The following PYGO1 variants were observed in gnomAD, a reference collection of about 807,000 sequenced individuals.
PYGO1 encodes pygopus homolog 1.
In PYGO1, 6 loss-of-function variants were observed where a neutral mutation model predicts 29.5. That is an observed-to-expected ratio of 0.20 (90% CI 0.11 to 0.40). The LOEUF (loss-of-function observed/expected upper bound fraction) is 0.40. Among genes scored for constraint, PYGO1 ranks in the 10% least tolerant of loss-of-function variants. The pLI, the probability that PYGO1 is intolerant of heterozygous loss-of-function variation, is 1.00. For synonymous variants in PYGO1, 186 were observed against 180.5 expected (o/e 1.03, Z -0.24); for missense variants, 515 against 514.9 (o/e 1.00, Z 0.00).
intron 1 of PYGO1, among the ~76,000 whole-genome samples, chr15:55,554,468 C>CAAAAAAAAAAAAAAAAAAAAA (rs56216226): frequency 6.5e-5 from 8 of 122,888 alleles, no homozygotes; most frequent in East Asian, 3.2e-4. Context: ...GACTCTGTCT[C>CAAAAAAAAAAAAAAAAAAAAA]AAAAAAAAAA....
At position 55,546,555 on chromosome 15, in the gene PYGO1, T is replaced by C. The variant is rs749754419; in HGVS notation, c.728A>G (p.Gln243Arg). The change falls in exon 3 of 3, where the codon CAA becomes CGA. Residue 243 changes from glutamine (Q) to arginine (R), a missense_variant. By Grantham distance (43) the Gln-to-Arg change is conservative (BLOSUM62 1). Coordinates refer to ENST00000563719, the MANE Select transcript of PYGO1 (RefSeq NM_001367806.1). Reference sequence around the variant, plus strand: ...TTGATTAGTGTTTTTGGTTGCTCCTTGAGTAAAGTCTTGTTTTGGGGGTGG... The same window carrying C: ...TTGATTAGTGTTTTTGGTTGCTCCTCGAGTAAAGTCTTGTTTTGGGGGTGG... ...KAPPPKQDFT[Q>R]GATKNTNQNS... The C allele has an allele frequency of 1.5e-5, 25 of 1,614,040 alleles. No homozygotes were observed. Among genetic ancestry groups the C allele is most frequent in the Non-Finnish European group, 1.9e-5 (23 of 1,180,038 alleles).
chr15:55,575,535 T>C (rs1398446877), intron 1 of PYGO1, among the ~76,000 whole-genome samples: 2 of 152,174 alleles, frequency 1.3e-5, no homozygotes, highest in African/African-American at 2.4e-5. Flanking sequence ...CATCATTCTA[T>C]ACTCTCTGCT....
rs1026684276 is a variant in PYGO1, at chr15:55,544,236, T to C, written c.*1787A>G. 1 of 152,194 alleles carries C rather than the reference T, an allele frequency of 6.6e-6. No individual in the cohort carries two copies. Among genetic ancestry groups the C allele is most frequent in the African/African-American group, 2.4e-5 (1 of 41,454 alleles). 9.4% of individuals were successfully genotyped at this position (152,194 alleles called of 1,614,324 possible). A position where few individuals can be genotyped will look rare whatever the true frequency, so the allele number is the denominator to read the frequency against. ...ATTTAAAAAAATAAGTTTTATTCAA[T>C]CAAAATATGCATCAGGAGCATGAAT... On this transcript the variant is annotated 3_prime_UTR_variant, in exon 3 of 3. Transcript: ENST00000563719.
chr15:55,554,016 A>C (rs2058892006), intron 1 of PYGO1, among the ~76,000 whole-genome samples: 1 of 152,202 alleles, frequency 6.6e-6, no homozygotes, highest in Admixed American at 6.5e-5. Flanking sequence ...AGACCCCACA[A>C]AAACCCCATC....
intron 1 of PYGO1, among the ~76,000 whole-genome samples, chr15:55,551,921 G>A (rs1307073909): frequency 6.6e-6 from 1 of 152,058 alleles, no homozygotes; most frequent in Non-Finnish European, 1.5e-5. Flanking sequence ...GCAATAGAAG[G>A]TTGATTCAGC....
chr15:55,554,924 G>A (rs182204880), intron 1 of PYGO1, among the ~76,000 whole-genome samples: 125 of 152,196 alleles, frequency 8.2e-4, no homozygotes, highest in African/African-American at 2.6e-3. Context: ...GAACCAAGTC[G>A]GAAAACATAC....
Position 55,587,194 on chromosome 15 carries a change from A to G in PYGO1, c.49+641T>C, listed in dbSNP as rs1595998156. Among the ~76,000 whole-genome samples, 5 of 152,298 alleles carry G rather than the reference A, an allele frequency of 3.3e-5. 1 individual carries two copies. The Middle Eastern group carries it at 0.017, about 518-fold the overall frequency. The stretch of plus-strand genomic sequence containing the variant: ...GGTTCCCTCTGATTTTTCTTAGATG[A>G]TAGTAACACGAAAGGAAAATTCCTA... On this transcript the variant is annotated intron_variant, in intron 1 of 2. Transcript: ENST00000563719.
chr15:55,560,812 A>G (rs548442167), intron 1 of PYGO1, among the ~76,000 whole-genome samples: 1 of 152,170 alleles, frequency 6.6e-6, no homozygotes, highest in Non-Finnish European at 1.5e-5. Context: ...AAATACAAAA[A>G]TTAGCCAGGC....
intron 1 of PYGO1, among the ~76,000 whole-genome samples, chr15:55,574,370 C>T (rs2058992439): frequency 6.6e-6 from 1 of 152,114 alleles, no homozygotes; most frequent in South Asian, 2.1e-4. Flanking sequence ...GTTTACCTTC[C>T]TCTCTACTGC....
chr15:55,567,504 G>A (rs949144350), intron 1 of PYGO1, among the ~76,000 whole-genome samples: 1 of 151,938 alleles, frequency 6.6e-6, no homozygotes, highest in African/African-American at 2.4e-5. Flanking sequence ...ATAAATTCTG[G>A]ATATTAGACC....
At position 55,540,796 on chromosome 15, in the gene PYGO1, G is replaced by C. The variant is rs893394588; in HGVS notation, c.*5227C>G. 1.3e-5 allele frequency: 2 copies of C among 152,036 alleles called. No homozygotes were observed. The highest frequency in any genetic ancestry group is 4.8e-5 in the African/African-American group (2 of 41,412). 9.4% of individuals were successfully genotyped at this position (152,036 alleles called of 1,614,324 possible). The stretch of plus-strand genomic sequence containing the variant: ...TCTAAGAACAAAACAAAAAGTTACT[G>C]CAAAAATACATGTCACCAATGTGGA... On this transcript the variant is annotated 3_prime_UTR_variant, in exon 3 of 3. Coordinates refer to ENST00000563719, the MANE Select transcript of PYGO1 (RefSeq NM_001367806.1).
chr15:55,588,776 C>T (rs768631133), upstream of PYGO1: 14 of 1,611,142 alleles, frequency 8.7e-6, no homozygotes, highest in Non-Finnish European at 1.2e-5. Flanking sequence ...CTCGGCCTCG[C>T]AGCTAGGGAT....
At chr15:55,581,158 G>A (rs990496487) in intron 1 of PYGO1, among the ~76,000 whole-genome samples, 1 of 152,218 alleles carries the variant, frequency 6.6e-6, no homozygotes, top group Non-Finnish European at 1.5e-5. Context: ...AATCTTGGCT[G>A]AGTGGGGAGC....
intron 1 of PYGO1, among the ~76,000 whole-genome samples, chr15:55,556,450 G>C (rs2058905511): frequency 6.6e-6 from 1 of 152,132 alleles, no homozygotes; most frequent in South Asian, 2.1e-4. Flanking sequence ...CGAAACTAAT[G>C]AGAACAAAGA....
intron 1 of PYGO1, among the ~76,000 whole-genome samples, chr15:55,558,320 C>G (rs922201799): frequency 1.3e-5 from 2 of 151,832 alleles, no homozygotes; most frequent in African/African-American, 4.8e-5. Context: ...TCAAGAACTA[C>G]AAACCACTGC....
intron 1 of PYGO1, among the ~76,000 whole-genome samples, chr15:55,555,904 A>C (rs1303432824): frequency 1.3e-5 from 2 of 152,142 alleles, no homozygotes; most frequent in Non-Finnish European, 2.9e-5. Context: ...AACAGAGATC[A>C]AAAAAGGGCA....
At chr15:55,564,379 C>CA (rs1448805036) in intron 1 of PYGO1, among the ~76,000 whole-genome samples, 1 of 152,044 alleles carries the variant, frequency 6.6e-6, no homozygotes, top group Non-Finnish European at 1.5e-5. Context: ...TCTTTAGAGA[C>CA]AAAAAACAGA....
Position 55,546,409 on chromosome 15 carries a change from T to A in PYGO1, c.874A>T (p.Thr292Ser), listed in dbSNP as rs1223541663. 1 of 1,614,082 alleles carries A rather than the reference T, an allele frequency of 6.2e-7. No individual in the cohort carries two copies. Among genetic ancestry groups the A allele is most frequent in the African/African-American group, 1.3e-5 (1 of 74,938 alleles). ...GCAGGGTTATTGTTTGTGGCTTCAG[T>A]GCTACTTGAACGGCTGTTCTCCTGA... The part of the protein sequence containing the change: ...VNQENSRSSS[T>S]EATNNNPANG... The change falls in exon 3 of 3, where the codon ACT becomes TCT. Residue 292 changes from threonine (T) to serine (S), a missense_variant. Transcript: ENST00000563719.
intron 1 of PYGO1, among the ~76,000 whole-genome samples, chr15:55,550,694 C>T (rs1356930843): frequency 1.3e-5 from 2 of 152,112 alleles, no homozygotes; most frequent in African/African-American, 4.8e-5. Flanking sequence ...TTTTCAACAC[C>T]TGTTTAATTC....
Sources: allele counts gnomAD v4.1 joint callset (sites outside exome capture counted in the v4.1 genomes callset), GRCh38; gene constraint gnomAD v4.1.1; transcripts MANE v1.5; gene names NCBI Gene and HGNC (gene_info 2026-07-23, HGNC 2026-07-21).